Variants in AUH observed in about 807,000 individuals in gnomAD.
AUH encodes AU RNA binding methylglutaconyl-CoA hydratase, also known as methylglutaconyl-CoA hydratase, mitochondrial.
A neutral mutation model predicts 42.3 loss-of-function variants in AUH; 29 were observed. That is an observed-to-expected ratio of 0.69 (90% CI 0.51 to 0.93). The LOEUF is 0.93. Among genes scored for constraint, AUH ranks in the 40% least tolerant of loss-of-function variants. The probability of loss-of-function intolerance (pLI) is 0.00; values close to 1 mark genes in which losing one functional copy is unlikely to be tolerated. For synonymous variants in AUH, 174 were observed against 166.4 expected, an observed-to-expected ratio of 1.05 and a Z score of -0.35; for missense variants, 452 against 438.1, an observed-to-expected ratio of 1.03 and a Z score of -0.28.
intron 6 of AUH, among the ~76,000 whole-genome samples, chr9:91,263,064 T>C (rs16907317): frequency 0.042 from 6,360 of 152,290 alleles, 419 homozygotes; most frequent in African/African-American, 0.14. Context: ...GTCACTCTAC[T>C]ATGGGTTATC....
intron 6 of AUH, among the ~76,000 whole-genome samples, chr9:91,226,198 C>G (rs1199197485): frequency 2.6e-5 from 4 of 151,088 alleles, no homozygotes; most frequent in Non-Finnish European, 5.9e-5. Flanking sequence ...TTCTCCACAT[C>G]CTCTCCAGCA....
intron 6 of AUH, among the ~76,000 whole-genome samples, chr9:91,245,075 G>A (rs1207247933): frequency 6.6e-6 from 1 of 152,186 alleles, no homozygotes; most frequent in Admixed American, 6.5e-5. Context: ...TGAATAACCA[G>A]AGAGGGAAGG....
chr9:91,338,106 G>T (rs1448862999), intron 3 of AUH, among the ~76,000 whole-genome samples: 6 of 152,142 alleles, frequency 3.9e-5, no homozygotes, highest in Non-Finnish European at 8.8e-5. Context: ...TTGATGAAAA[G>T]GACTATTCTG....
chr9:91,293,074 A>G (rs999924100), intron 6 of AUH, among the ~76,000 whole-genome samples: 29 of 152,278 alleles, frequency 1.9e-4, no homozygotes, highest in African/African-American at 7.0e-4. Context: ...GGCAAACTTA[A>G]CCAATAAATG....
intron 6 of AUH, among the ~76,000 whole-genome samples, chr9:91,257,198 T>C (rs1829449323): frequency 6.6e-6 from 1 of 151,928 alleles, no homozygotes. Flanking sequence ...AGGGTAGCAG[T>C]ATTATTACTA....
intron 6 of AUH, among the ~76,000 whole-genome samples, chr9:91,234,388 T>A (rs1031033449): frequency 1.3e-5 from 2 of 152,186 alleles, no homozygotes; most frequent in African/African-American, 4.8e-5. Context: ...TGGTATAGAC[T>A]GTCTAGTTCT....
At chr9:91,309,601 G>A (rs1828541375) in intron 4 of AUH, among the ~76,000 whole-genome samples, 1 of 152,102 alleles carries the variant, frequency 6.6e-6, no homozygotes, top group Non-Finnish European at 1.5e-5. Context: ...ATAAGTGGAA[G>A]CAAAACAATG....
chr9:91,292,222 T>A (rs903810465), intron 6 of AUH, among the ~76,000 whole-genome samples: 9 of 151,982 alleles, frequency 5.9e-5, no homozygotes, highest in Non-Finnish European at 1.2e-4. Flanking sequence ...CCGCAACTTT[T>A]GTCCCACTGC....
At chr9:91,291,650 C>T in intron 6 of AUH, among the ~76,000 whole-genome samples, 1 of 152,148 alleles carries the variant, frequency 6.6e-6, no homozygotes, top group Non-Finnish European at 1.5e-5. Flanking sequence ...GGGAGTCTTA[C>T]ACATTCATCT....
chr9:91,316,584 T>C (rs190549276), intron 4 of AUH, among the ~76,000 whole-genome samples: 89 of 152,350 alleles, frequency 5.8e-4, no homozygotes, highest in African/African-American at 1.9e-3. Context: ...ATCTGGTGGA[T>C]GTAAAATGGC....
intron 3 of AUH, chr9:91,343,194 G>GTGTC (rs1831233917): frequency 6.6e-6 from 1 of 152,096 alleles, no homozygotes; most frequent in Non-Finnish European, 1.5e-5. Context: ...GCAGGTGGAG[G>GTGTC]TGTCATCTCT....
intron 6 of AUH, among the ~76,000 whole-genome samples, chr9:91,281,104 C>T (rs1825930504): frequency 6.6e-6 from 1 of 152,256 alleles, no homozygotes; most frequent in East Asian, 1.9e-4. Context: ...TTTTTCCCCC[C>T]TGAAATACAC....
At chr9:91,268,981 C>G (rs993483662) in intron 6 of AUH, among the ~76,000 whole-genome samples, 1 of 145,972 alleles carries the variant, frequency 6.9e-6, no homozygotes, top group African/African-American at 2.6e-5. Context: ...AGATAATTAA[C>G]ACTTTCTTTT....
intron 6 of AUH, among the ~76,000 whole-genome samples, chr9:91,286,606 T>C (rs1323962534): frequency 2.0e-5 from 3 of 151,790 alleles, no homozygotes; most frequent in African/African-American, 4.8e-5. Context: ...AAATGAAACA[T>C]GCAGCATTGA....
chr9:91,297,830 T>C (rs1827470061), intron 5 of AUH, among the ~76,000 whole-genome samples, 154 bp downstream of exon 5: 2 of 152,234 alleles, frequency 1.3e-5, no homozygotes, highest in African/African-American at 4.8e-5. Flanking sequence ...TTTTTTCAGG[T>C]GGGAATTTCG....
chr9:91,270,384 C>T (rs1417776865), intron 6 of AUH, among the ~76,000 whole-genome samples: 1 of 152,174 alleles, frequency 6.6e-6, no homozygotes, highest in Non-Finnish European at 1.5e-5. Flanking sequence ...GGCCCTGGTT[C>T]GCTTCCCTAG....
intron 6 of AUH, among the ~76,000 whole-genome samples, chr9:91,245,274 C>T (rs1828732886): frequency 6.6e-6 from 1 of 152,108 alleles, no homozygotes; most frequent in African/African-American, 2.4e-5. Context: ...ACAGAGTTGG[C>T]AAATGGGCAG....
At chr9:91,297,880 TTCTACTCAACAACAGG>T (rs1275211084) in intron 5 of AUH, 88 bp downstream of exon 5, 6 of 969,546 alleles carry the variant, frequency 6.2e-6, no homozygotes, top group African/African-American at 1.6e-5. Flanking sequence ...TTTGAAAATA[TTCTACTCAACAACAGG>T]AAGCAGAATA....
chr9:91,255,909 A>T (rs1236702696), intron 6 of AUH, among the ~76,000 whole-genome samples: 5 of 152,156 alleles, frequency 3.3e-5, no homozygotes, highest in Non-Finnish European at 7.4e-5. Context: ...TTGCTCATGA[A>T]TTGAGGCTCT....
Sources: allele counts gnomAD v4.1 joint callset (sites outside exome capture counted in the v4.1 genomes callset), GRCh38; gene constraint gnomAD v4.1.1; transcripts MANE v1.5; gene names NCBI Gene and HGNC (gene_info 2026-07-23, HGNC 2026-07-21).